GPI: variants seen among roughly 807,000 people sequenced by gnomAD.
The protein encoded by GPI is glucose-6-phosphate isomerase.
GPI carries 56 observed loss-of-function variants against 75.8 expected under a neutral mutation model. That is an observed-to-expected ratio of 0.74 (90% CI 0.60 to 0.92). GPI has a LOEUF of 0.92. Ranked by LOEUF, GPI falls within the 40% of genes least tolerant of loss-of-function variation. The pLI, the probability that GPI is intolerant of heterozygous loss-of-function variation, is 0.00. For missense variants in GPI, 638 were observed against 741.0 expected, an observed-to-expected ratio of 0.86 and a Z score of 1.61; for synonymous variants, 288 against 285.4, an observed-to-expected ratio of 1.01 and a Z score of -0.09.
At chr19:34,362,491 G>A (rs4806013), upstream of GPI, among the ~76,000 whole-genome samples, 6,182 of 152,090 alleles carry the variant, frequency 0.041, 191 homozygotes, top group Admixed American at 0.11. Context: ...TGCCTCTTTC[G>A]CAATACCCAA....
chr19:34,399,861 T>C, intron 17 of GPI, 40 bp from the exon 18 acceptor site: 1 of 1,613,828 alleles, frequency 6.2e-7, no homozygotes. Context: ...CGTTAGAGCC[T>C]TCCTCATACC....
upstream of GPI, chr19:34,359,985 G>C (rs1410760436): frequency 6.6e-6 from 1 of 152,310 alleles, no homozygotes; most frequent in South Asian, 2.1e-4. Context: ...GCTATCCAGA[G>C]TTAGGACTGT....
At chr19:34,377,210 G>A (rs1453718585) in intron 4 of GPI, among the ~76,000 whole-genome samples, 1 of 146,336 alleles carries the variant, frequency 6.8e-6, no homozygotes, top group Non-Finnish European at 1.5e-5. Context: ...GCTGAGGCAG[G>A]AGAATGACGT....
intron 14 of GPI, chr19:34,398,882 A>C: frequency 4.8e-6 from 1 of 208,254 alleles, no homozygotes; most frequent in Non-Finnish European, 1.0e-5. Flanking sequence ...TTTTTTTGGT[A>C]TTTTTAGTAG....
At chr19:34,362,223 G>T (rs1220111269), upstream of GPI, among the ~76,000 whole-genome samples, 2 of 152,074 alleles carry the variant, frequency 1.3e-5, no homozygotes, top group Non-Finnish European at 2.9e-5. Context: ...GGAGGTGGAG[G>T]TTGCAGGGAA....
At chr19:34,360,127 C>G (rs150357829), upstream of GPI, among the ~76,000 whole-genome samples, 142 of 152,198 alleles carry the variant, frequency 9.3e-4, 1 homozygote, top group Middle Eastern at 3.4e-3. Flanking sequence ...AATTTCTGGG[C>G]TAGGTTTCCT....
At position 34,377,716 on chromosome 19, in the gene GPI, A is replaced by C; in HGVS notation, c.487-19A>C. 1 of 1,613,484 alleles carries C rather than the reference A, an allele frequency of 6.2e-7. No homozygotes were observed. The highest frequency in any genetic ancestry group is 8.5e-7 in the Non-Finnish European group (1 of 1,179,646). On this transcript the variant is annotated intron_variant, in intron 5 of 17. Transcript: ENST00000356487. ...GTGGGCCCTGAATTCTTATTCTCTG[A>C]TGCTATGTCTCCCCGCAGGGACCCC...
At chr19:34,390,397 A>ATGCCC (rs1184615508) in intron 9 of GPI, among the ~76,000 whole-genome samples, 21 of 152,202 alleles carry the variant, frequency 1.4e-4, no homozygotes, top group Non-Finnish European at 1.8e-4. Context: ...GAGACTGAGA[A>ATGCCC]GGTGGGTCCT....
chr19:34,359,821 T>G (rs1172579370), upstream of GPI: 1 of 152,336 alleles, frequency 6.6e-6, no homozygotes, highest in African/African-American at 2.4e-5. Context: ...GTCTGTGATG[T>G]CTAAATGCCG....
At chr19:34,361,852 C>T (rs146167241), upstream of GPI, among the ~76,000 whole-genome samples, 1,244 of 152,164 alleles carry the variant, frequency 8.2e-3, 13 homozygotes, top group South Asian at 0.05. Context: ...TGCAGTGGCT[C>T]ACGCCTGTAA....
In GPI at chr19:34,399,741, C is replaced by A. The variant is rs138799755; in HGVS notation, c.1497C>A (p.Phe499Leu). The change falls in exon 17 of 18, where the codon TTC (phenylalanine) becomes TTA (leucine). Residue 499 changes from phenylalanine (F) to leucine (L), a missense_variant. By Grantham distance (22) the Phe-to-Leu change is conservative. Transcript: ENST00000356487. ...CAGCCATGTATGAGCACAAGATCTT[C>A]GTTCAGGGCATCATCTGGGACATCA... is the stretch of plus-strand genomic sequence containing the variant. ...ALVAMYEHKIFVQGIIWDINS... is the reference protein window; with the variant it reads ...ALVAMYEHKILVQGIIWDINS... 3 of 1,614,056 alleles carry A rather than the reference C, an allele frequency of 1.9e-6. No individual in the cohort carries two copies. Among genetic ancestry groups the A allele is most frequent in the Non-Finnish European group, 8.5e-7 (1 of 1,180,024 alleles).
upstream of GPI, chr19:34,360,027 G>A (rs892269357): frequency 6.6e-6 from 1 of 152,312 alleles, no homozygotes; most frequent in East Asian, 1.9e-4. Context: ...TCTGCTGTCA[G>A]GTGTACCCTC....
chr19:34,399,036 A>G, intron 14 of GPI, 171 bp from the exon 15 acceptor site: 1 of 572,546 alleles, frequency 1.7e-6, no homozygotes, highest in South Asian at 2.0e-5. Flanking sequence ...AGCAGTTATC[A>G]CTGTTCCCTG....
intron 4 of GPI, among the ~76,000 whole-genome samples, chr19:34,373,178 G>A (rs2074481422): frequency 1.3e-5 from 2 of 151,960 alleles, no homozygotes; most frequent in East Asian, 3.9e-4. Flanking sequence ...CTTCAGGTCA[G>A]GAGTTTGAGA....
chr19:34,379,963 T>G, intron 8 of GPI: 1 of 267,612 alleles, frequency 3.7e-6, no homozygotes, highest in Non-Finnish European at 7.1e-6. Flanking sequence ...GGTGACATTT[T>G]GCCCCCTACT....
intron 4 of GPI, among the ~76,000 whole-genome samples, chr19:34,373,882 C>T (rs894681663): frequency 2.0e-5 from 3 of 152,206 alleles, no homozygotes; most frequent in Non-Finnish European, 2.9e-5. Context: ...GCTTATTTCT[C>T]CCAGAGTGAG....
At position 34,377,538 on chromosome 19, in the gene GPI, C is replaced by A. The variant is rs1271426156; in HGVS notation, c.438C>A (p.Gly146=). ...GCGGTGACTGGAAGGGGTACACAGG[C>A]AAGACCATCACGGACGTCATCAACA... ...VRSGDWKGYT[G]KTITDVINIG... is the part of the protein sequence containing the mutation. Residue 146 remains glycine (G), a synonymous_variant, in exon 5 of 18, where the codon GGC becomes GGA. Transcript: ENST00000356487. The A allele has an allele frequency of 6.2e-7, 1 of 1,613,012 alleles. No individual in the cohort carries two copies. Among genetic ancestry groups the A allele is most frequent in the South Asian group, 1.1e-5 (1 of 91,040 alleles).
chr19:34,391,674 G>A (rs796128526), intron 9 of GPI, among the ~76,000 whole-genome samples: 1 of 147,472 alleles, frequency 6.8e-6, no homozygotes, highest in Admixed American at 6.8e-5. Context: ...TGAGGATCTG[G>A]GTCTGTCAGT....
intron 4 of GPI, among the ~76,000 whole-genome samples, chr19:34,370,843 G>A (rs977393354): frequency 2.6e-5 from 4 of 152,148 alleles, no homozygotes; most frequent in Admixed American, 1.3e-4. Flanking sequence ...GCTTGAGCCC[G>A]GGAGGTTGAG....
Sources: allele counts gnomAD v4.1 joint callset (sites outside exome capture counted in the v4.1 genomes callset), GRCh38; gene constraint gnomAD v4.1.1; transcripts MANE v1.5; gene names NCBI Gene and HGNC (gene_info 2026-07-23, HGNC 2026-07-21).